The following NCSTN variants were observed in gnomAD, a reference collection of about 807,000 sequenced individuals.
NCSTN encodes anterior pharynx-defective 2.
Under a neutral mutation model 87.0 loss-of-function variants are expected in NCSTN, and 22 were observed. The observed-to-expected ratio is 0.25, with a 90% CI of 0.18 to 0.36. NCSTN has a LOEUF of 0.36. Among genes scored for constraint, NCSTN ranks in the 10% least tolerant of loss-of-function variants. NCSTN has a pLI of 1.00. For missense variants in NCSTN, 693 were observed against 883.3 expected (o/e 0.78, Z 2.73); for synonymous variants, 306 against 327.1 (o/e 0.94, Z 0.69).
At chr1:160,344,376 A>G in intron 1 of NCSTN, 3 of 1,155,692 alleles carry the variant, frequency 2.6e-6, no homozygotes, top group East Asian at 5.2e-5. Flanking sequence ...AGTAATATAC[A>G]TACAGGATAT....
intron 2 of NCSTN, 117 bp from the exon 3 acceptor site, chr1:160,348,882 G>A: frequency 6.9e-7 from 1 of 1,440,790 alleles, no homozygotes; most frequent in African/African-American, 1.4e-5. Context: ...AGAGGTGCCT[G>A]TATTCACCCA....
chr1:160,353,583 A>G, intron 10 of NCSTN: 1 of 1,222,482 alleles, frequency 8.2e-7, no homozygotes, highest in African/African-American at 1.6e-5. Flanking sequence ...TGGCTGTGTC[A>G]CACTCGCTGC....
rs2101904436 is a variant in NCSTN, at chr1:160,352,895, T to G, written c.1005T>G (p.Phe335Leu). ...VMFVFFQGET[F>L]DYIGSSRMVY... Reference sequence around the variant, plus strand: ...CTACCTCCATCTCTCAGGAAACTTTTGACTACATTGGCAGCTCGAGGATGG... The same window carrying G: ...CTACCTCCATCTCTCAGGAAACTTTGGACTACATTGGCAGCTCGAGGATGG... The change falls in exon 9 of 17, where the codon TTT becomes TTG. Residue 335 changes from phenylalanine (F) to leucine (L), a missense_variant. By Grantham distance (22) the Phe-to-Leu change is conservative (BLOSUM62 0). Coordinates refer to ENST00000294785, the MANE Select transcript of NCSTN (RefSeq NM_015331.3). 1 of 1,614,148 alleles carries G rather than the reference T, an allele frequency of 6.2e-7. No individual in the cohort carries two copies. Among genetic ancestry groups the G allele is most frequent in the East Asian group, 2.2e-5 (1 of 44,888 alleles).
chr1:160,349,036 A>G lies in NCSTN; in HGVS notation c.228A>G (p.Val76=), dbSNP rs1235878427. 10 of 1,614,056 alleles carry G rather than the reference A, an allele frequency of 6.2e-6. No individual in the cohort carries two copies. In the African/African-American group the frequency reaches 1.1e-4, roughly 17 times the overall value. ...GAGACACAGGGGTTATCCACGTAGT[A>G]GAGAAAGAGGAGGACCTACAGTGGG... is the stretch of plus-strand genomic sequence containing the variant. ...ISGDTGVIHV[V]EKEEDLQWVL... is the part of the protein sequence containing the mutation. The change falls in exon 3 of 17, where the codon GTA becomes GTG. Residue 76 remains valine (V), a synonymous_variant. Transcript: ENST00000294785.
intron 10 of NCSTN, chr1:160,353,598 C>T (rs1331476004): frequency 5.0e-6 from 6 of 1,210,772 alleles, no homozygotes; most frequent in Non-Finnish European, 6.2e-6. Flanking sequence ...CGCTGCCCAA[C>T]TTGTCCTCCA....
intron 15 of NCSTN, 25 bp from the exon 16 acceptor site, chr1:160,357,016 G>C: frequency 1.9e-6 from 3 of 1,591,490 alleles, no homozygotes; most frequent in Non-Finnish European, 2.6e-6. Flanking sequence ...CCCTAGCCGT[G>C]TGTTGTGGCG....
rs199578226 is a variant in NCSTN, at chr1:160,358,409, A to T, written c.*138A>T. 3.5e-6 allele frequency: 4 copies of T among 1,148,560 alleles called. No homozygotes were observed. In the South Asian group the frequency reaches 5.1e-5, roughly 15 times the overall value. 71.1% of individuals were successfully genotyped at this position (1,148,560 alleles called of 1,614,324 possible). A position where few individuals can be genotyped will look rare whatever the true frequency, so the allele number is the denominator to read the frequency against. On this transcript the variant is annotated 3_prime_UTR_variant, in exon 17 of 17. Transcript: ENST00000294785. ...GGGATTAACATAAAAGAGTGGAACT[A>T]TCCAAAAGAGACAGGGAGAAATAAA...
chr1:160,348,941 G>A (rs1329992141), intron 2 of NCSTN, 58 bp from the exon 3 acceptor site: 32 of 1,612,242 alleles, frequency 2.0e-5, no homozygotes, highest in Non-Finnish European at 2.7e-5. Context: ...GAATCAGTGA[G>A]GCAAAGTCAG....
chr1:160,352,316 G>A, intron 8 of NCSTN, 110 bp downstream of exon 8: 1 of 1,359,950 alleles, frequency 7.4e-7, no homozygotes, highest in Non-Finnish European at 1.0e-6. Context: ...TTGTTAACCA[G>A]CACAGAGCTT....
chr1:160,348,192 T>C (rs923091660), intron 2 of NCSTN, among the ~76,000 whole-genome samples: 1 of 152,264 alleles, frequency 6.6e-6, no homozygotes, highest in Non-Finnish European at 1.5e-5. Context: ...TATTACCTAA[T>C]GCCTTGAATT....
At chr1:160,350,321 G>A in intron 5 of NCSTN, 71 bp downstream of exon 5, 2 of 1,577,662 alleles carry the variant, frequency 1.3e-6, no homozygotes, top group South Asian at 1.1e-5. Flanking sequence ...GTGTGGTGGT[G>A]TGTGCACGTA....
intron 16 of NCSTN, among the ~76,000 whole-genome samples, chr1:160,357,812 T>A (rs1649204884): frequency 6.6e-6 from 1 of 152,216 alleles, no homozygotes; most frequent in African/African-American, 2.4e-5. Flanking sequence ...ATTCCCCATC[T>A]GGCACAGCTG....
chr1:160,346,322 C>T (rs185795418), intron 2 of NCSTN, among the ~76,000 whole-genome samples: 7 of 152,288 alleles, frequency 4.6e-5, no homozygotes, highest in East Asian at 3.9e-4. Context: ...TTGCATAAAG[C>T]TGAAAGTCAA....
Position 160,351,811 on chromosome 1 carries a change from T to C in NCSTN, c.843+6T>C. On this transcript the variant is annotated splice_donor_region_variant and intron_variant, in intron 7 of 16. Transcript: ENST00000294785. ...TTGTGGTTGCTGCCACCCGGGTGAG[T>C]GTTGGCTTCTGATCAGGATGGGCAG... 6.3e-7 allele frequency: 1 copy of C among 1,587,766 alleles called. No homozygotes were observed. Among genetic ancestry groups the C allele is most frequent in the South Asian group, 1.1e-5 (1 of 90,520 alleles).
At chr1:160,345,938 G>GAAAAAAAAAAAAAAAAAAAAAAAAA (rs56358787) in intron 2 of NCSTN, among the ~76,000 whole-genome samples, 1 of 59,808 alleles carries the variant, frequency 1.7e-5, no homozygotes, top group Non-Finnish European at 3.0e-5. Context: ...GACACTGTCT[G>GAAAAAAAAAAAAAAAAAAAAAAAAA]AAAAAAAAAA....
In NCSTN at chr1:160,353,405, A is replaced by G. The variant is rs1033279885; in HGVS notation, c.1179+168A>G. On this transcript the variant is annotated intron_variant, in intron 10 of 16. Coordinates refer to ENST00000294785, the MANE Select transcript of NCSTN (RefSeq NM_015331.3). Reference sequence around the variant, plus strand: ...ACCACAGCTGTTGTTGCTGCTGGGAAGAATCAGGAACTCAGTGACATTCCA... The same window carrying G: ...ACCACAGCTGTTGTTGCTGCTGGGAGGAATCAGGAACTCAGTGACATTCCA... 4.0e-6 allele frequency: 6 copies of G among 1,511,040 alleles called. No homozygotes were observed. In the African/African-American group the frequency reaches 6.9e-5, roughly 17 times the overall value. The allele number at this position is 1,511,040 out of a possible 1,614,324, so 93.6% of individuals were successfully genotyped here.
chr1:160,357,752 G>A (rs979503237), intron 16 of NCSTN, among the ~76,000 whole-genome samples: 2 of 152,160 alleles, frequency 1.3e-5, no homozygotes, highest in African/African-American at 4.8e-5. Flanking sequence ...TCATTCTGGA[G>A]AGCCCCTGTG....
intron 2 of NCSTN, among the ~76,000 whole-genome samples, chr1:160,347,428 C>T (rs916944505): frequency 6.6e-6 from 1 of 152,150 alleles, no homozygotes; most frequent in Non-Finnish European, 1.5e-5. Flanking sequence ...TCCTTTCTTC[C>T]TTCTTTCGTC....
intron 11 of NCSTN, among the ~76,000 whole-genome samples, chr1:160,354,510 A>G (rs1353755694): frequency 1.3e-5 from 2 of 151,946 alleles, no homozygotes; most frequent in Non-Finnish European, 2.9e-5. Context: ...TTAGCCCTTT[A>G]CTGTCAACAA....
Sources: allele counts gnomAD v4.1 joint callset (sites outside exome capture counted in the v4.1 genomes callset), GRCh38; gene constraint gnomAD v4.1.1; transcripts MANE v1.5; gene names NCBI Gene and HGNC (gene_info 2026-07-23, HGNC 2026-07-21).